Variants in GRAMD1B observed in about 807,000 individuals in gnomAD.
The protein encoded by GRAMD1B is protein Aster-B.
GRAMD1B carries 37 observed loss-of-function variants against 99.7 expected under a neutral mutation model. That is an observed-to-expected ratio of 0.37 (90% CI 0.29 to 0.49). GRAMD1B has a LOEUF of 0.49. Ranked by LOEUF, GRAMD1B falls within the 20% of genes least tolerant of loss-of-function variation. The probability of loss-of-function intolerance (pLI) is 0.98; values close to 1 mark genes in which losing one functional copy is unlikely to be tolerated. For missense variants in GRAMD1B, 888 were observed against 1,009.2 expected (o/e 0.88, Z 1.63); for synonymous variants, 427 against 387.6 (o/e 1.10, Z -1.19).
At chr11:123,503,174 G>A (rs536951039) in intron 2 of GRAMD1B, among the ~76,000 whole-genome samples, 2 of 152,360 alleles carry the variant, frequency 1.3e-5, no homozygotes, top group Admixed American at 1.3e-4. Flanking sequence ...GTGAACAAGG[G>A]TACAGGCATA....
intron 2 of GRAMD1B, among the ~76,000 whole-genome samples, chr11:123,530,890 G>C (rs757274457): frequency 1.5e-4 from 23 of 152,180 alleles, no homozygotes; most frequent in Non-Finnish European, 3.2e-4. Flanking sequence ...CTGCTGTGTG[G>C]CCCTGGTAGG....
chr11:123,594,957 AG>A, intron 6 of GRAMD1B, 119 bp downstream of exon 6: 1 of 658,946 alleles, frequency 1.5e-6, no homozygotes, highest in African/African-American at 1.8e-5. Context: ...AATTAACAAA[AG>A]CATGCCTGAG....
intron 1 of GRAMD1B, among the ~76,000 whole-genome samples, chr11:123,366,320 G>A (rs759710697): frequency 6.6e-6 from 1 of 152,226 alleles, no homozygotes; most frequent in African/African-American, 2.4e-5. Flanking sequence ...TATTTTTTTA[G>A]AGTGTTGGCC....
chr11:123,489,777 T>C (rs1938326659), intron 2 of GRAMD1B, among the ~76,000 whole-genome samples: 2 of 152,208 alleles, frequency 1.3e-5, no homozygotes, highest in South Asian at 2.1e-4. Flanking sequence ...TGGAGAGACA[T>C]AAGCACTTTT....
chr11:123,467,988 C>G (rs1438470961), intron 1 of GRAMD1B, among the ~76,000 whole-genome samples: 2 of 151,838 alleles, frequency 1.3e-5, no homozygotes, highest in Non-Finnish European at 2.9e-5. Flanking sequence ...CTCAGCCTCC[C>G]GAGTAGCTGG....
At chr11:123,598,644 A>C (rs548617394) in intron 7 of GRAMD1B, 2 of 1,294,224 alleles carry the variant, frequency 1.5e-6, no homozygotes, top group East Asian at 2.3e-5. Context: ...TTTCAGTCCT[A>C]AAGCTAAGAG....
Position 123,626,798 on chromosome 11 carries a change from CTG to C in GRAMD1B, c.*4207_*4208del, listed in dbSNP as rs2081357986. On this transcript the variant is annotated 3_prime_UTR_variant, in exon 20 of 20. Transcript: ENST00000635736. ...AGGTTGGCCCCAATCCTCTTCACCTCTGTGTTTTCTTCTAGAAGATGCATTTT... is the reference window on the plus strand; with the variant it reads ...AGGTTGGCCCCAATCCTCTTCACCTCTGTTTTCTTCTAGAAGATGCATTTT... The C allele has an allele frequency of 6.6e-6, 1 of 152,302 alleles. No individual in the cohort carries two copies. The highest frequency in any genetic ancestry group is 1.5e-5 in the Non-Finnish European group (1 of 68,102). The allele number at this position is 152,302 out of a possible 1,614,324, so 9.4% of individuals were successfully genotyped here.
intron 1 of GRAMD1B, among the ~76,000 whole-genome samples, chr11:123,437,708 C>G (rs1013541388): frequency 6.6e-6 from 1 of 152,198 alleles, no homozygotes; most frequent in African/African-American, 2.4e-5. Flanking sequence ...GCATGCTAGG[C>G]TAGGTCATCT....
intron 2 of GRAMD1B, among the ~76,000 whole-genome samples, chr11:123,490,175 G>A (rs781504754): frequency 2.6e-5 from 4 of 152,220 alleles, no homozygotes; most frequent in Non-Finnish European, 5.9e-5. Context: ...TGTCTTAAAG[G>A]AAGAGGACAT....
chr11:123,485,714 T>A (rs1937658492), intron 2 of GRAMD1B, among the ~76,000 whole-genome samples: 1 of 145,546 alleles, frequency 6.9e-6, no homozygotes, highest in African/African-American at 2.5e-5. Flanking sequence ...ATTAATTCAT[T>A]CTTTTTTTTT....
In GRAMD1B at chr11:123,360,962, G is replaced by A. The variant is rs555889613; in HGVS notation, c.-176+2163G>A. On this transcript the variant is annotated intron_variant, in intron 1 of 20. Transcript: ENST00000638157. ...CTCCCGAGTAGCTGGGATTACAGGC[G>A]CCCACCACCATGCTCAGCTAATTTT... Among the ~76,000 whole-genome samples, 23 of 152,028 alleles carry A rather than the reference G, an allele frequency of 1.5e-4. No individual in the cohort carries two copies. The South Asian group carries it at 1.9e-3, about 12-fold the overall frequency.
chr11:123,570,360 G>A (rs1947924820), intron 2 of GRAMD1B, among the ~76,000 whole-genome samples: 1 of 151,808 alleles, frequency 6.6e-6, no homozygotes, highest in South Asian at 2.1e-4. Context: ...GAGGAAAGTG[G>A]ACAAAGATAT....
At position 123,492,599 on chromosome 11, in the gene GRAMD1B, C is replaced by G. The variant is rs548508510; in HGVS notation, c.452+11706C>G. ...CCTGGAGGAGGAAGAGGTTCCAGCC[C>G]CTAAGGTTAGAATTAAATTTGAAGG... On this transcript the variant is annotated intron_variant, in intron 2 of 19. Transcript: ENST00000635736. The surrounding 1 kb of genome is among the most constrained non-coding windows in gnomAD (Gnocchi z 4.2). 6.6e-6 allele frequency among the ~76,000 whole-genome samples: 1 copy of G among 152,106 alleles called. No individual in the cohort carries two copies. The highest frequency in any genetic ancestry group is 2.1e-4 in the South Asian group (1 of 4,804).
chr11:123,538,660 G>T (rs185158450), intron 2 of GRAMD1B, among the ~76,000 whole-genome samples: 1 of 151,346 alleles, frequency 6.6e-6, no homozygotes, highest in African/African-American at 2.4e-5. Flanking sequence ...TCACTCTGTC[G>T]CCAGGTTAGA....
intron 2 of GRAMD1B, among the ~76,000 whole-genome samples, chr11:123,529,452 A>C (rs187533326): frequency 5.3e-5 from 8 of 152,138 alleles, no homozygotes; most frequent in African/African-American, 1.7e-4. Flanking sequence ...TGAGATAGAA[A>C]TCTCCCCCAG....
At chr11:123,553,442 A>G (rs758191917) in intron 2 of GRAMD1B, among the ~76,000 whole-genome samples, 37 of 152,234 alleles carry the variant, frequency 2.4e-4, no homozygotes, top group Non-Finnish European at 4.9e-4. Flanking sequence ...CCATGTGTAC[A>G]TGATAAAATT....
intron 1 of GRAMD1B, among the ~76,000 whole-genome samples, chr11:123,448,210 C>T (rs967179902): frequency 1.3e-5 from 2 of 151,992 alleles, no homozygotes; most frequent in Non-Finnish European, 2.9e-5. Context: ...TCCTTTTACC[C>T]TTTCTCTCGC....
chr11:123,426,834 G>A (rs757959872), upstream of GRAMD1B, among the ~76,000 whole-genome samples: 24 of 152,188 alleles, frequency 1.6e-4, no homozygotes, highest in Non-Finnish European at 2.9e-4. Flanking sequence ...TTTCACTAAA[G>A]TTTTCCCCTG....
At chr11:123,619,490 T>C in intron 19 of GRAMD1B, 1 of 1,247,888 alleles carries the variant, frequency 8.0e-7, no homozygotes, top group Non-Finnish European at 1.0e-6. Flanking sequence ...GAAGGAGAAC[T>C]CTTTTTATTT....
Sources: gnomAD v4.1 joint callset for allele counts (sites outside exome capture counted in the v4.1 genomes callset) on GRCh38, gnomAD v4.1.1 for gene constraint, Gnocchi (gnomAD v3.1) non-coding constraint, MANE v1.5 for transcripts, NCBI Gene and HGNC (gene_info 2026-07-23, HGNC 2026-07-21) for gene names.